KCTD1: variants seen among roughly 807,000 people sequenced by gnomAD.
KCTD1 encodes the protein BTB/POZ domain-containing protein KCTD1.
In KCTD1, 24 loss-of-function variants were observed where a neutral mutation model predicts 66.0. That is an observed-to-expected ratio of 0.36 (90% CI 0.26 to 0.51). The LOEUF (loss-of-function observed/expected upper bound fraction) is 0.51, where lower values mean the gene tolerates loss of function less well. KCTD1 is among the 20% of genes least tolerant of loss of function. The pLI is 0.95. For synonymous variants in KCTD1, 511 were observed against 517.2 expected (o/e 0.99, Z 0.16); for missense variants, 943 against 1,205.2 (o/e 0.78, Z 3.22).
Position 26,617,001 on chromosome 18 carries a change from C to T in KCTD1, c.-16+12146G>A, listed in dbSNP as rs138847085. ...TAATGTGGAAAACAAGCAAACCTTGCCATTATTATTATTGACCAAATAAAC... is the reference window on the plus strand; with the variant it reads ...TAATGTGGAAAACAAGCAAACCTTGTCATTATTATTATTGACCAAATAAAC... On this transcript the variant is annotated intron_variant, in intron 1 of 4. Coordinates refer to the KCTD1 transcript ENST00000317932. Among the ~76,000 whole-genome samples, 4 of 152,256 alleles carry T rather than the reference C, an allele frequency of 2.6e-5. No individual in the cohort carries two copies. In the East Asian group the frequency reaches 5.8e-4, roughly 22 times the overall value.
At chr18:26,654,625 T>C (rs1022879834) in intron 1 of KCTD1, among the ~76,000 whole-genome samples, 8 of 152,234 alleles carry the variant, frequency 5.3e-5, no homozygotes, top group African/African-American at 1.9e-4. Context: ...TCGTTTTGCA[T>C]ACTGTGGTGG....
intron 1 of KCTD1, among the ~76,000 whole-genome samples, chr18:26,580,151 C>T (rs1316702919): frequency 6.6e-6 from 1 of 152,178 alleles, no homozygotes; most frequent in Non-Finnish European, 1.5e-5. Flanking sequence ...CTGTGCCAAG[C>T]CCCATTCCAG....
upstream of KCTD1, among the ~76,000 whole-genome samples, chr18:26,631,571 C>T (rs118126577): frequency 0.029 from 4,471 of 152,166 alleles, 93 homozygotes; most frequent in Non-Finnish European, 0.044. Context: ...GCATGACTGA[C>T]GGTACTTCAA....
intron 1 of KCTD1, among the ~76,000 whole-genome samples, chr18:26,624,053 G>A (rs970445726): frequency 2.6e-5 from 4 of 152,180 alleles, no homozygotes; most frequent in Admixed American, 6.5e-5. Context: ...AGAGACTGGC[G>A]GCATTTTGCC....
intron 4 of KCTD1, chr18:26,456,598 A>C (rs778691521): frequency 1.3e-5 from 2 of 152,160 alleles, no homozygotes; most frequent in Non-Finnish European, 2.9e-5. Context: ...CAATGATTAC[A>C]TATTAGAAAA....
At chr18:26,503,176 C>A (rs1465757152) in intron 1 of KCTD1, among the ~76,000 whole-genome samples, 2 of 151,978 alleles carry the variant, frequency 1.3e-5, no homozygotes, top group African/African-American at 4.8e-5. Flanking sequence ...CTGGTCGGCT[C>A]AAGGGTGTTT....
chr18:26,497,579 G>A (rs547694616), intron 2 of KCTD1, among the ~76,000 whole-genome samples: 31 of 152,210 alleles, frequency 2.0e-4, no homozygotes, highest in African/African-American at 6.3e-4. Flanking sequence ...TAAAATTTGC[G>A]TATGGGTCCC....
chr18:26,534,235 C>T (rs533389320), intron 1 of KCTD1, among the ~76,000 whole-genome samples: 1 of 152,062 alleles, frequency 6.6e-6, no homozygotes, highest in South Asian at 2.1e-4. Flanking sequence ...AAATATTTTA[C>T]ATAAAGCATA....
intron 1 of KCTD1, among the ~76,000 whole-genome samples, chr18:26,572,126 C>A (rs1986123681): frequency 6.7e-6 from 1 of 149,592 alleles, no homozygotes; most frequent in Admixed American, 6.7e-5. Context: ...GTGGCTCAAT[C>A]TCGGTTCACT....
At chr18:26,544,475 C>G (rs1985119182) in intron 1 of KCTD1, 1 of 152,296 alleles carries the variant, frequency 6.6e-6, no homozygotes, top group East Asian at 1.9e-4. Context: ...CTAAGATGGT[C>G]AACAGTGGAA....
At chr18:26,599,810 C>A in intron 1 of KCTD1, 1 of 1,560,824 alleles carries the variant, frequency 6.4e-7, no homozygotes, top group Admixed American at 1.7e-5. Context: ...GAGCCCCTAA[C>A]CCCTGAGGAA....
At chr18:26,628,769 T>A (rs950884358) in intron 1 of KCTD1, among the ~76,000 whole-genome samples, 10 of 152,104 alleles carry the variant, frequency 6.6e-5, no homozygotes, top group Middle Eastern at 3.2e-3. Flanking sequence ...TGGGGTGGAG[T>A]TATAAGAGCC....
intron 2 of KCTD1, among the ~76,000 whole-genome samples, chr18:26,477,880 C>G (rs1350396235): frequency 6.6e-6 from 1 of 152,172 alleles, no homozygotes; most frequent in Non-Finnish European, 1.5e-5. Flanking sequence ...GGGTTATTTT[C>G]TAAAATTCAA....
At chr18:26,511,046 C>G (rs1376323208) in intron 1 of KCTD1, among the ~76,000 whole-genome samples, 1 of 152,092 alleles carries the variant, frequency 6.6e-6, no homozygotes, top group Non-Finnish European at 1.5e-5. Context: ...ATATTTACTA[C>G]TTTTGAATTT....
chr18:26,652,419 G>A (rs1041061393), intron 1 of KCTD1, among the ~76,000 whole-genome samples: 4 of 152,072 alleles, frequency 2.6e-5, no homozygotes, highest in African/African-American at 9.7e-5. Flanking sequence ...CTTCAGTTGA[G>A]TGATTTGCAT....
chr18:26,577,637 CCT>C (rs1343880560), intron 1 of KCTD1, among the ~76,000 whole-genome samples: 1 of 152,086 alleles, frequency 6.6e-6, no homozygotes, highest in Non-Finnish European at 1.5e-5. Flanking sequence ...ACCTTGAACT[CCT>C]GAGTTCAAGG....
chr18:26,632,508 T>G (rs11660653), upstream of KCTD1, among the ~76,000 whole-genome samples: 37,751 of 152,146 alleles, frequency 0.25, 4,847 homozygotes, highest in Non-Finnish European at 0.28. Context: ...GGGCAGTAAA[T>G]AACTGAAATA....
chr18:26,483,425 C>T (rs1296076984), intron 2 of KCTD1, among the ~76,000 whole-genome samples: 9 of 152,076 alleles, frequency 5.9e-5, no homozygotes, highest in Non-Finnish European at 1.2e-4. Flanking sequence ...CCTGCCACCA[C>T]GCCCGGCTAG....
chr18:26,654,674 C>T (rs1321479617), intron 1 of KCTD1, among the ~76,000 whole-genome samples: 1 of 152,280 alleles, frequency 6.6e-6, no homozygotes, highest in Middle Eastern at 3.4e-3. Flanking sequence ...CAATTCATTT[C>T]AAAATTTCTT....
Sources: gnomAD v4.1 joint callset for allele counts (sites outside exome capture counted in the v4.1 genomes callset) on GRCh38, gnomAD v4.1.1 for gene constraint, MANE v1.5 for transcripts, NCBI Gene and HGNC (gene_info 2026-07-23, HGNC 2026-07-21) for gene names.